The following HNRNPUL1 variants were observed in gnomAD, a reference collection of about 807,000 sequenced individuals.
HNRNPUL1 encodes the protein heterogeneous nuclear ribonucleoprotein U like 1, also known as heterogeneous nuclear ribonucleoprotein U-like protein 1.
HNRNPUL1 carries 14 observed loss-of-function variants against 108.5 expected under a neutral mutation model. The ratio of observed to expected loss-of-function variants is 0.13; its 90% CI spans 0.09 to 0.20. The LOEUF (loss-of-function observed/expected upper bound fraction) is 0.20, where lower values mean the gene tolerates loss of function less well. Ranked by LOEUF, HNRNPUL1 falls within the 10% of genes least tolerant of loss-of-function variation. HNRNPUL1 has a pLI of 1.00. For synonymous variants in HNRNPUL1, 422 were observed against 445.2 expected (o/e 0.95, Z 0.66); for missense variants, 804 against 1,168.3 (o/e 0.69, Z 4.55).
intron 7 of HNRNPUL1, among the ~76,000 whole-genome samples, chr19:41,282,842 A>G (rs2122670618): frequency 6.7e-6 from 1 of 150,330 alleles, no homozygotes; most frequent in East Asian, 2.0e-4. Flanking sequence ...GGCGCCCGCC[A>G]CTACGCCCGG....
intron 3 of HNRNPUL1, 35 bp downstream of exon 3, chr19:41,272,270 G>T (rs1284824107): frequency 1.2e-6 from 2 of 1,605,264 alleles, no homozygotes; most frequent in African/African-American, 2.7e-5. Context: ...CCTTGCTCTG[G>T]TAGGTTTCTA....
intron 6 of HNRNPUL1, among the ~76,000 whole-genome samples, chr19:41,279,778 G>A (rs1470370671): frequency 6.6e-6 from 1 of 152,184 alleles, no homozygotes; most frequent in Admixed American, 6.5e-5. Context: ...AAGAATTCAG[G>A]CCATACAGAA....
chr19:41,273,488 C>T (rs544941093), intron 3 of HNRNPUL1, among the ~76,000 whole-genome samples: 10 of 152,232 alleles, frequency 6.6e-5, no homozygotes, highest in Admixed American at 5.2e-4. Flanking sequence ...TAATTTAGGA[C>T]ACTGAAAAAA....
chr19:41,292,168 A>G lies in HNRNPUL1; in HGVS notation c.1000-77A>G, dbSNP rs2122811287. ...AAGCTGTCCACATTCTACTCCCTGCATCTACTGTCCTCACATTTGACTCCC... is the reference window on the plus strand; with the variant it reads ...AAGCTGTCCACATTCTACTCCCTGCGTCTACTGTCCTCACATTTGACTCCC... On this transcript the variant is annotated intron_variant, in intron 7 of 14. Transcript: ENST00000392006. This position sits in a 1 kb window ranked among gnomAD's most constrained non-coding sequence, Gnocchi z 4.1. The G allele has an allele frequency of 6.9e-7, 1 of 1,453,744 alleles. No individual in the cohort carries two copies. The highest frequency in any genetic ancestry group is 9.6e-7 in the Non-Finnish European group (1 of 1,046,108). 90.1% of individuals were successfully genotyped at this position (1,453,744 alleles called of 1,614,324 possible).
At chr19:41,281,409 A>T in intron 7 of HNRNPUL1, 134 bp downstream of exon 7, 1 of 624,652 alleles carries the variant, frequency 1.6e-6, no homozygotes, top group East Asian at 2.8e-5. Flanking sequence ...TGCTTGACAG[A>T]CTGGAATGTT....
chr19:41,274,336 C>T (rs1317860151), intron 4 of HNRNPUL1, among the ~76,000 whole-genome samples: 1 of 152,180 alleles, frequency 6.6e-6, no homozygotes, highest in Non-Finnish European at 1.5e-5. Context: ...CAGGGAGACT[C>T]CTCAGTGGAT....
intron 1 of HNRNPUL1, among the ~76,000 whole-genome samples, chr19:41,267,039 G>A (rs1034129539): frequency 6.6e-6 from 1 of 152,232 alleles, no homozygotes; most frequent in African/African-American, 2.4e-5. Context: ...GTGCTTTGGA[G>A]CGTAGACTCT....
intron 7 of HNRNPUL1, among the ~76,000 whole-genome samples, chr19:41,284,383 A>G (rs981815107): frequency 6.6e-6 from 1 of 152,228 alleles, no homozygotes; most frequent in Non-Finnish European, 1.5e-5. Flanking sequence ...TGACAATGCA[A>G]GGCCGGACAC....
chr19:41,304,056 G>A lies in HNRNPUL1; in HGVS notation c.2057G>A (p.Gly686Asp), dbSNP rs1233164445. The part of the protein sequence containing the change: ...NRDNNNSNNR[G>D]SYNRAPQQQP... ...GATAACAACAACTCCAACAACAGAG[G>A]CAGCTACAACCGGGCTCCCCAGCAA... Residue 686 changes from glycine (G) to aspartate (D), a missense_variant, in exon 13 of 15, where the codon GGC becomes GAC. Physicochemically the swap from Gly to Asp is moderately conservative, Grantham distance 94 (BLOSUM62 -1). Around this residue, in one of 4 missense-constraint regions of HNRNPUL1, gnomAD observed 294 missense variants for 388.3 expected, o/e 0.76. Coordinates refer to ENST00000392006, the MANE Select transcript of HNRNPUL1 (RefSeq NM_007040.6). 12 of 1,613,734 alleles carry A rather than the reference G, an allele frequency of 7.4e-6. No homozygotes were observed. Among genetic ancestry groups the A allele is most frequent in the Non-Finnish European group, 1.0e-5 (12 of 1,179,668 alleles).
At position 41,305,789 on chromosome 19, in the gene HNRNPUL1, C is replaced by T. The variant is rs1003438104; in HGVS notation, c.2376C>T (p.Tyr792=). Residue 792 remains tyrosine (Y), a synonymous_variant, in exon 14 of 15, where the codon TAC becomes TAT. Transcript: ENST00000392006. ...PAYNYGSYGG[Y]NPAPYTPPPP... is the part of the protein sequence containing the mutation. ...ACAACTATGGGAGCTACGGCGGTTA[C>T]AACCCGGCCCCCTATACCCCACCGC... is the stretch of plus-strand genomic sequence containing the variant. The T allele has an allele frequency of 3.1e-6, 5 of 1,611,822 alleles. No individual in the cohort carries two copies. Among genetic ancestry groups the T allele is most frequent in the Non-Finnish European group, 4.2e-6 (5 of 1,178,308 alleles).
Position 41,281,266 on chromosome 19 carries a change from C to T in HNRNPUL1, c.990C>T (p.Gly330=), listed in dbSNP as rs1463363859. 1.2e-6 allele frequency: 2 copies of T among 1,612,788 alleles called. No individual in the cohort carries two copies. The highest frequency in any genetic ancestry group is 1.7e-6 in the Non-Finnish European group (2 of 1,178,814). ...AGTTTGCAGAGAACGATGTGATTGG[C>T]TGCTTTGCGGTGAGTGCTAGCAGCC... is the stretch of plus-strand genomic sequence containing the variant. ...GDKFAENDVI[G]CFADFECGND... Residue 330 remains glycine (G), a synonymous_variant, in exon 7 of 15, where the codon GGC becomes GGT. Transcript: ENST00000392006.
intron 7 of HNRNPUL1, among the ~76,000 whole-genome samples, chr19:41,283,940 C>T (rs1168935668): frequency 1.3e-5 from 2 of 152,214 alleles, no homozygotes; most frequent in Non-Finnish European, 2.9e-5. Flanking sequence ...TTGAAGCCAC[C>T]TCCTATTGCT....
At chr19:41,269,618 A>G (rs1200185228) in intron 2 of HNRNPUL1, among the ~76,000 whole-genome samples, 1 of 151,994 alleles carries the variant, frequency 6.6e-6, no homozygotes, top group Non-Finnish European at 1.5e-5. Flanking sequence ...GCCTGGCAAC[A>G]TAGTGAGACC....
intron 6 of HNRNPUL1, among the ~76,000 whole-genome samples, chr19:41,279,956 T>TA (rs2035808084): frequency 6.6e-6 from 1 of 152,232 alleles, no homozygotes; most frequent in Non-Finnish European, 1.5e-5. Context: ...TTTTTGTAAA[T>TA]AACTGCAGCT....
chr19:41,284,218 T>C lies in HNRNPUL1; in HGVS notation c.999+2943T>C, dbSNP rs373539710. 1.2e-4 allele frequency among the ~76,000 whole-genome samples: 18 copies of C among 152,330 alleles called. No homozygotes were observed. The East Asian group carries it at 2.5e-3, about 21-fold the overall frequency. ...CAAGAAAAATTTGAATTGGTTGATA[T>C]GCACTATAGATTGAGGTCTGCAGCT... On this transcript the variant is annotated intron_variant, in intron 7 of 14. Transcript: ENST00000392006.
At chr19:41,286,872 A>T (rs183045365) in intron 7 of HNRNPUL1, among the ~76,000 whole-genome samples, 1 of 151,520 alleles carries the variant, frequency 6.6e-6, no homozygotes, top group African/African-American at 2.4e-5. Context: ...GCCTGCCACC[A>T]TGCCTGGCTC....
intron 10 of HNRNPUL1, among the ~76,000 whole-genome samples, chr19:41,300,375 T>C (rs2037135415): frequency 6.6e-6 from 1 of 151,960 alleles, no homozygotes; most frequent in African/African-American, 2.4e-5. Context: ...GTTTTCCCCA[T>C]CTGTGGCTTC....
chr19:41,298,596 C>T (rs2037022195), intron 10 of HNRNPUL1: 1 of 152,164 alleles, frequency 6.6e-6, no homozygotes, highest in Admixed American at 6.5e-5. Context: ...TCTTCCCTTC[C>T]CCAAACGAAG....
chr19:41,275,230 C>T (rs549695443), intron 4 of HNRNPUL1, among the ~76,000 whole-genome samples: 1 of 152,262 alleles, frequency 6.6e-6, no homozygotes, highest in South Asian at 2.1e-4. Context: ...AGAATTACCA[C>T]AGAGGGCGGT....
Sources: allele counts gnomAD v4.1 joint callset (sites outside exome capture counted in the v4.1 genomes callset), GRCh38; gene constraint gnomAD v4.1.1; regional missense constraint gnomAD v4.1.1; non-coding constraint Gnocchi (gnomAD v3.1); transcripts MANE v1.5; gene names NCBI Gene and HGNC (gene_info 2026-07-23, HGNC 2026-07-21).